Variants in TENM2 observed in about 807,000 individuals in gnomAD.
TENM2 encodes teneurin transmembrane protein 2.
In TENM2, 52 loss-of-function variants were observed where a neutral mutation model predicts 245.2. The observed-to-expected ratio is 0.21, with a 90% CI of 0.17 to 0.27. The LOEUF is 0.27. Ranked by LOEUF, TENM2 falls within the 10% of genes least tolerant of loss-of-function variation. The pLI is 1.00. For missense variants in TENM2, 3,046 were observed against 3,666.8 expected (o/e 0.83, Z 4.37); for synonymous variants, 1,363 against 1,438.9 (o/e 0.95, Z 1.19).
chr5:167,633,889 C>T (rs1448320281), intron 2 of TENM2, among the ~76,000 whole-genome samples: 1 of 152,120 alleles, frequency 6.6e-6, no homozygotes, highest in Admixed American at 6.6e-5. Context: ...TACCAACAGC[C>T]ATTTTGCTTT....
intron 2 of TENM2, among the ~76,000 whole-genome samples, chr5:167,509,646 G>T (rs951822625): frequency 2.0e-5 from 3 of 152,136 alleles, no homozygotes; most frequent in African/African-American, 7.2e-5. Context: ...TCTAGAAGAG[G>T]TCATTATTAT....
chr5:167,685,047 C>T (rs1756981617), intron 2 of TENM2, among the ~76,000 whole-genome samples: 1 of 152,156 alleles, frequency 6.6e-6, no homozygotes, highest in Admixed American at 6.5e-5. Flanking sequence ...TAGAAACAGA[C>T]TCTGAGGACC....
chr5:167,460,615 T>C (rs921653026), intron 2 of TENM2, among the ~76,000 whole-genome samples: 3 of 146,522 alleles, frequency 2.0e-5, no homozygotes, highest in Admixed American at 1.4e-4. Flanking sequence ...TTTTTTTTTT[T>C]CTCCCTTCTG....
intron 2 of TENM2, among the ~76,000 whole-genome samples, chr5:167,486,749 C>A (rs919036121): frequency 6.6e-6 from 1 of 152,142 alleles, no homozygotes; most frequent in South Asian, 2.1e-4. Context: ...TCAACTACTG[C>A]ATGGCATTTG....
the TENM2 span, among the ~76,000 whole-genome samples, chr5:166,986,566 A>G: frequency 6.6e-6 from 1 of 152,296 alleles, no homozygotes; most frequent in African/African-American, 2.4e-5. Context: ...GGACCACAAA[A>G]TCTTTAAAGT....
chr5:167,552,041 G>A (rs767977143), intron 2 of TENM2, among the ~76,000 whole-genome samples: 3 of 152,148 alleles, frequency 2.0e-5, no homozygotes, highest in Non-Finnish European at 2.9e-5. Flanking sequence ...GGGAGAAAAA[G>A]CATAATACCT....
chr5:167,940,926 G>C (rs1779126992), intron 3 of TENM2, among the ~76,000 whole-genome samples: 1 of 152,160 alleles, frequency 6.6e-6, no homozygotes, highest in African/African-American at 2.4e-5. Flanking sequence ...TAAAGTGTCA[G>C]ATAGGCAGTG....
At chr5:167,716,093 T>TC (rs1307199672) in intron 2 of TENM2, among the ~76,000 whole-genome samples, 1 of 152,150 alleles carries the variant, frequency 6.6e-6, no homozygotes, top group Non-Finnish European at 1.5e-5. Flanking sequence ...CCGAGGCTCT[T>TC]CAAGGCCATG....
At chr5:167,359,324 C>T (rs1309913588) in intron 1 of TENM2, among the ~76,000 whole-genome samples, 1 of 152,160 alleles carries the variant, frequency 6.6e-6, no homozygotes, top group Non-Finnish European at 1.5e-5. Flanking sequence ...CCTTGCTCTT[C>T]CTAGAATGTG....
chr5:168,028,118 C>T (rs1192661986), intron 5 of TENM2, among the ~76,000 whole-genome samples: 1 of 152,172 alleles, frequency 6.6e-6, no homozygotes, highest in Non-Finnish European at 1.5e-5. Flanking sequence ...GGTATGCCTT[C>T]TATGGAGGGC....
chr5:167,144,157 GA>G, the TENM2 span, among the ~76,000 whole-genome samples: 5,412 of 148,314 alleles, frequency 0.036, 310 homozygotes, highest in African/African-American at 0.12. Context: ...TTTTAATTTT[GA>G]AAAAAAAAAA....
At chr5:167,494,206 C>T (rs1428685995) in intron 2 of TENM2, among the ~76,000 whole-genome samples, 1 of 152,016 alleles carries the variant, frequency 6.6e-6, no homozygotes, top group African/African-American at 2.4e-5. Flanking sequence ...CACAAGATGA[C>T]CGCTATCACC....
intron 2 of TENM2, among the ~76,000 whole-genome samples, chr5:167,753,383 G>C (rs572567028): frequency 6.6e-6 from 1 of 152,258 alleles, no homozygotes; most frequent in East Asian, 1.9e-4. Context: ...GATTGAAATT[G>C]CCAGGAGCTT....
intron 23 of TENM2, among the ~76,000 whole-genome samples, chr5:168,219,846 A>AAAAAAAAAAAC: frequency 6.6e-6 from 1 of 151,590 alleles, no homozygotes; most frequent in African/African-American, 2.4e-5. Context: ...AAAAAAAAAA[A>AAAAAAAAAAAC]AAAGCGGGGG....
chr5:168,171,297 A>G (rs1416164403), intron 13 of TENM2, among the ~76,000 whole-genome samples: 3 of 152,208 alleles, frequency 2.0e-5, no homozygotes, highest in Non-Finnish European at 4.4e-5. Flanking sequence ...TCATCATATT[A>G]TTTTCATTAT....
chr5:167,587,370 A>G (rs1775580541), intron 2 of TENM2, among the ~76,000 whole-genome samples: 1 of 152,196 alleles, frequency 6.6e-6, no homozygotes, highest in Admixed American at 6.5e-5. Context: ...CTTGTTGTGA[A>G]ACAGCCTGTC....
intron 12 of TENM2, among the ~76,000 whole-genome samples, chr5:168,127,711 T>G (rs1191151798): frequency 6.6e-6 from 1 of 152,180 alleles, no homozygotes; most frequent in African/African-American, 2.4e-5. Context: ...GCTTTGCACA[T>G]CTCTCAGACA....
intron 2 of TENM2, among the ~76,000 whole-genome samples, chr5:167,393,399 A>C (rs1442555329): frequency 6.6e-6 from 1 of 152,150 alleles, no homozygotes; most frequent in Non-Finnish European, 1.5e-5. Flanking sequence ...TTTGAATGAA[A>C]ACCTCAAGGA....
the TENM2 span, among the ~76,000 whole-genome samples, chr5:167,141,557 A>G: frequency 2.0e-5 from 3 of 152,318 alleles, no homozygotes; most frequent in South Asian, 4.1e-4. Flanking sequence ...AGACATATAG[A>G]TTGTTTAAAT....
Sources: gnomAD v4.1 joint callset for allele counts (sites outside exome capture counted in the v4.1 genomes callset) on GRCh38, gnomAD v4.1.1 for gene constraint, MANE v1.5 for transcripts, NCBI Gene and HGNC (gene_info 2026-07-23, HGNC 2026-07-21) for gene names.